ZFAND3: variants seen among roughly 807,000 people sequenced by gnomAD.
ZFAND3 encodes AN1-type zinc finger protein 3.
ZFAND3 carries 10 observed loss-of-function variants against 29.6 expected under a neutral mutation model. The ratio of observed to expected loss-of-function variants is 0.34; its 90% CI spans 0.21 to 0.57. The LOEUF (loss-of-function observed/expected upper bound fraction) is 0.57, where lower values mean the gene tolerates loss of function less well. ZFAND3 is among the 20% of genes least tolerant of loss of function. The pLI, the probability that ZFAND3 is intolerant of heterozygous loss-of-function variation, is 0.86. For synonymous variants in ZFAND3, 128 were observed against 112.6 expected, an observed-to-expected ratio of 1.14 and a Z score of -0.87; for missense variants, 230 against 304.5, an observed-to-expected ratio of 0.76 and a Z score of 1.82.
chr6:38,073,088 C>T (rs576837612), intron 3 of ZFAND3, among the ~76,000 whole-genome samples: 1 of 152,226 alleles, frequency 6.6e-6, no homozygotes, highest in Non-Finnish European at 1.5e-5. Context: ...AGCTGTGGTA[C>T]AGCTAGCTAT....
chr6:37,960,116 A>G (rs1019517334), intron 2 of ZFAND3, among the ~76,000 whole-genome samples: 3 of 152,216 alleles, frequency 2.0e-5, no homozygotes, highest in Non-Finnish European at 2.9e-5. Context: ...TGTAGCATCT[A>G]TCTGTCTTAG....
chr6:38,126,379 G>A (rs994054385), intron 5 of ZFAND3, among the ~76,000 whole-genome samples: 2 of 152,194 alleles, frequency 1.3e-5, no homozygotes, highest in Admixed American at 6.5e-5. Context: ...AGTCTTGTGT[G>A]GACATGTGTT....
Position 38,153,748 on chromosome 6 carries a change from G to A in ZFAND3, c.*1359G>A. On this transcript the variant is annotated 3_prime_UTR_variant, in exon 6 of 6. Transcript: ENST00000287218. Reference sequence around the variant, plus strand: ...GGTGGGGCTGGGGCTGGGTGGACAGGATCAGGATTCCCTTGAAAGCCCAGG... The same window carrying A: ...GGTGGGGCTGGGGCTGGGTGGACAGAATCAGGATTCCCTTGAAAGCCCAGG... 1.0e-6 allele frequency: 1 copy of A among 985,524 alleles called. No individual in the cohort carries two copies. Among genetic ancestry groups the A allele is most frequent in the South Asian group, 4.7e-5 (1 of 21,292 alleles). The allele number at this position is 985,524 out of a possible 1,614,324, so 61.0% of individuals were successfully genotyped here.
intron 1 of ZFAND3, among the ~76,000 whole-genome samples, chr6:37,888,870 T>C (rs907479416): frequency 2.6e-5 from 4 of 152,246 alleles, no homozygotes; most frequent in African/African-American, 9.6e-5. Context: ...TGCAAACTTA[T>C]ATTTTGTAAA....
intron 1 of ZFAND3, among the ~76,000 whole-genome samples, chr6:37,821,784 A>G (rs549639640): frequency 2.0e-5 from 3 of 152,206 alleles, no homozygotes; most frequent in Non-Finnish European, 2.9e-5. Flanking sequence ...TTATCGAAAG[A>G]CTTATATCAA....
intron 2 of ZFAND3, among the ~76,000 whole-genome samples, chr6:37,935,929 A>G (rs2127415093): frequency 6.6e-6 from 1 of 152,366 alleles, no homozygotes; most frequent in South Asian, 2.1e-4. Context: ...AGTCAAGCAT[A>G]GAGTCTAATG....
chr6:38,009,989 C>G (rs1262114136), intron 2 of ZFAND3, among the ~76,000 whole-genome samples: 2 of 152,176 alleles, frequency 1.3e-5, no homozygotes, highest in African/African-American at 2.4e-5. Context: ...AGTTAAATTC[C>G]TATGGCATAT....
intron 1 of ZFAND3, among the ~76,000 whole-genome samples, chr6:37,858,496 A>G: frequency 6.6e-6 from 1 of 152,188 alleles, no homozygotes; most frequent in African/African-American, 2.4e-5. Context: ...TTGAGGCTTT[A>G]TGTGCTTTCA....
intron 2 of ZFAND3, among the ~76,000 whole-genome samples, chr6:37,972,713 T>TA (rs924129000): frequency 2.0e-5 from 3 of 151,134 alleles, no homozygotes; most frequent in Non-Finnish European, 3.0e-5. Flanking sequence ...TTTTTTTTTT[T>TA]ACACCATTGG....
intron 2 of ZFAND3, among the ~76,000 whole-genome samples, chr6:38,024,396 C>T (rs186322687): frequency 1.3e-5 from 2 of 148,816 alleles, no homozygotes; most frequent in Non-Finnish European, 3.0e-5. Context: ...GGCATGAACC[C>T]GGGAGGTGGA....
chr6:38,022,190 A>T (rs1000921772), intron 2 of ZFAND3, among the ~76,000 whole-genome samples: 3 of 152,244 alleles, frequency 2.0e-5, no homozygotes, highest in Non-Finnish European at 4.4e-5. Context: ...TAACAAGACT[A>T]CAAGTTATTT....
At chr6:38,049,956 T>TA (rs1561980766) in intron 2 of ZFAND3, among the ~76,000 whole-genome samples, 180 of 7,286 alleles carry the variant, frequency 0.025, 5 homozygotes, top group African/African-American at 0.027. Flanking sequence ...TTTTTTTTTT[T>TA]TTTTTTTTTT....
At chr6:38,121,378 TAAA>T (rs770999630) in intron 5 of ZFAND3, among the ~76,000 whole-genome samples, 1 of 152,160 alleles carries the variant, frequency 6.6e-6, no homozygotes, top group Non-Finnish European at 1.5e-5. Flanking sequence ...CCATGTCTCT[TAAA>T]AACTAAAAAA....
chr6:37,904,265 T>C (rs1001115648), intron 1 of ZFAND3, among the ~76,000 whole-genome samples: 1 of 152,180 alleles, frequency 6.6e-6, no homozygotes, highest in Non-Finnish European at 1.5e-5. Context: ...ATATCACCTT[T>C]GACATGCAGC....
At chr6:38,129,671 C>T (rs73421857) in intron 5 of ZFAND3, among the ~76,000 whole-genome samples, 1,733 of 152,184 alleles carry the variant, frequency 0.011, 32 homozygotes, top group African/African-American at 0.04. Flanking sequence ...GTTTTCCGTT[C>T]GTCTGTGTGC....
intron 1 of ZFAND3, among the ~76,000 whole-genome samples, chr6:37,853,769 CTA>C (rs1050435789): frequency 1.3e-5 from 2 of 152,114 alleles, no homozygotes; most frequent in African/African-American, 4.8e-5. Flanking sequence ...AGAATCTAAA[CTA>C]TTTTATTAGG....
At chr6:37,876,056 C>A (rs1368144628) in intron 1 of ZFAND3, among the ~76,000 whole-genome samples, 1 of 151,946 alleles carries the variant, frequency 6.6e-6, no homozygotes, top group Non-Finnish European at 1.5e-5. Flanking sequence ...ACGTTCTTTG[C>A]AAGGTTTAAT....
intron 2 of ZFAND3, among the ~76,000 whole-genome samples, chr6:38,020,277 T>C (rs997139109): frequency 1.3e-5 from 2 of 152,370 alleles, no homozygotes; most frequent in South Asian, 4.1e-4. Flanking sequence ...CACAGTGTTA[T>C]AATTTATAAT....
chr6:38,020,823 C>T (rs186446548), intron 2 of ZFAND3, among the ~76,000 whole-genome samples: 222 of 152,246 alleles, frequency 1.5e-3, no homozygotes, highest in African/African-American at 4.9e-3. Context: ...TACTTTCCAC[C>T]TCTCGTATTA....
Sources: allele counts gnomAD v4.1 joint callset (sites outside exome capture counted in the v4.1 genomes callset), GRCh38; gene constraint gnomAD v4.1.1; transcripts MANE v1.5; gene names NCBI Gene and HGNC (gene_info 2026-07-23, HGNC 2026-07-21).